Variants in GALM observed in about 807,000 individuals in gnomAD.
GALM encodes aldose 1-epimerase.
Under a neutral mutation model 37.4 loss-of-function variants are expected in GALM, and 43 were observed. That is an observed-to-expected ratio of 1.15 (90% CI 0.90 to 1.48). The LOEUF (loss-of-function observed/expected upper bound fraction) is 1.48. GALM is among the 40% of genes most tolerant of loss of function. The pLI is 0.00. For synonymous variants in GALM, 199 were observed against 170.6 expected (o/e 1.17, Z -1.30); for missense variants, 456 against 419.1 (o/e 1.09, Z -0.77).
chr2:38,686,249 T>TTTCTTTCTTTCTTTCTTTC (rs1665521973), intron 3 of GALM, among the ~76,000 whole-genome samples: 6 of 120,844 alleles, frequency 5.0e-5, no homozygotes, highest in African/African-American at 2.1e-4. Flanking sequence ...TCTTTCTTTC[T>TTTCTTTCTTTCTTTCTTTC]TTCTTTCTTT....
At chr2:38,725,794 C>A (rs984823517) in intron 4 of GALM, among the ~76,000 whole-genome samples, 1 of 152,044 alleles carries the variant, frequency 6.6e-6, no homozygotes, top group Admixed American at 6.6e-5. Context: ...TCACCACAAC[C>A]TCCATCTCCC....
In GALM at chr2:38,731,820, G is replaced by A. The variant is rs775609819; in HGVS notation, c.862G>A (p.Gly288Ser). The change falls in exon 6 of 7, where the codon GGC (glycine) becomes AGC (serine). Residue 288 changes from glycine (G) to serine (S), a missense_variant. Transcript: ENST00000272252. ...GTTTTACACGGGCAACTTCCTGGAT[G>A]GCACATTAAAGGGCAAGAATGGAGC... ...VQFYTGNFLD[G>S]TLKGKNGAVY... 6.2e-7 allele frequency: 1 copy of A among 1,614,018 alleles called. No homozygotes were observed. The highest frequency in any genetic ancestry group is 1.1e-5 in the South Asian group (1 of 91,072).
intron 4 of GALM, among the ~76,000 whole-genome samples, chr2:38,705,658 G>C (rs958478363): frequency 6.6e-6 from 1 of 152,160 alleles, no homozygotes; most frequent in Non-Finnish European, 1.5e-5. Context: ...CAGTTGGGCA[G>C]AGCAAGGGCT....
chr2:38,685,674 C>G (rs568832936), intron 3 of GALM, among the ~76,000 whole-genome samples: 2 of 152,160 alleles, frequency 1.3e-5, no homozygotes, highest in African/African-American at 2.4e-5. Flanking sequence ...GTTTTTCCAG[C>G]CTAGAAGAGT....
chr2:38,723,801 AC>A (rs201730666), intron 4 of GALM, among the ~76,000 whole-genome samples: 1 of 29,866 alleles, frequency 3.3e-5, no homozygotes, highest in African/African-American at 1.2e-4. Flanking sequence ...AAAAAAACAA[AC>A]AAAAAAAAAA....
intron 1 of GALM, among the ~76,000 whole-genome samples, chr2:38,671,758 T>C (rs1299080193): frequency 6.6e-6 from 1 of 152,084 alleles, no homozygotes; most frequent in Non-Finnish European, 1.5e-5. Context: ...TTGAGAAGCC[T>C]AGGTGGGAGG....
intron 4 of GALM, among the ~76,000 whole-genome samples, chr2:38,727,492 G>A (rs1353074485): frequency 6.6e-6 from 1 of 152,048 alleles, no homozygotes; most frequent in Non-Finnish European, 1.5e-5. Context: ...CCTTTGGGAG[G>A]CCAAGGCAGG....
In GALM at chr2:38,689,880, C is replaced by T. The variant is rs754954515; in HGVS notation, c.620C>T (p.Thr207Ile). ...EADTYLPVDE[T>I]LIPTGEVAPV... ...GATACTTATTTGCCTGTGGATGAAA[C>T]CCTGATTCCTACAGGTTGGTGAATT... The change falls in exon 4 of 7, where the codon ACC becomes ATC. Residue 207 changes from threonine to isoleucine, a missense_variant. By Grantham distance (89) the Thr-to-Ile change is moderately conservative. Coordinates refer to ENST00000272252, the MANE Select transcript of GALM (RefSeq NM_138801.3). 2 of 1,604,810 alleles carry T rather than the reference C, an allele frequency of 1.2e-6. No homozygotes were observed. The highest frequency in any genetic ancestry group is 2.2e-5 in the East Asian group (1 of 44,792).
At chr2:38,696,979 G>T (rs1350842650) in intron 4 of GALM, among the ~76,000 whole-genome samples, 2 of 151,598 alleles carry the variant, frequency 1.3e-5, no homozygotes, top group Non-Finnish European at 2.9e-5. Flanking sequence ...TAGTAGAGAG[G>T]GGGTTTCACC....
At chr2:38,672,107 C>T (rs899497593) in intron 1 of GALM, among the ~76,000 whole-genome samples, 2 of 151,466 alleles carry the variant, frequency 1.3e-5, no homozygotes, top group Non-Finnish European at 2.9e-5. Flanking sequence ...ATCTTCATGA[C>T]GTGATTGGTT....
chr2:38,679,706 G>T (rs1034734347), intron 2 of GALM, among the ~76,000 whole-genome samples: 1 of 152,212 alleles, frequency 6.6e-6, no homozygotes, highest in Non-Finnish European at 1.5e-5. Flanking sequence ...TAAGGGAACA[G>T]TCTCAGGATC....
chr2:38,669,985 C>A (rs536228311), intron 1 of GALM, among the ~76,000 whole-genome samples: 1 of 151,674 alleles, frequency 6.6e-6, no homozygotes, highest in East Asian at 2.0e-4. Context: ...GCCTTAACCT[C>A]CCAAGTAGCT....
chr2:38,677,819 T>C (rs1458717059), intron 2 of GALM, among the ~76,000 whole-genome samples: 1 of 151,848 alleles, frequency 6.6e-6, no homozygotes, highest in South Asian at 2.1e-4. Flanking sequence ...TCTTACATGA[T>C]AACTGTTAAA....
intron 4 of GALM, among the ~76,000 whole-genome samples, chr2:38,709,775 T>C (rs1666112243): frequency 6.6e-6 from 1 of 152,200 alleles, no homozygotes; most frequent in South Asian, 2.1e-4. Context: ...GGTGTTACTT[T>C]TAATTATCAT....
chr2:38,698,161 C>T (rs144723970), intron 4 of GALM, among the ~76,000 whole-genome samples: 2,171 of 152,180 alleles, frequency 0.014, 46 homozygotes, highest in African/African-American at 0.048. Context: ...CCAGGCTGGT[C>T]TCAAACTCCT....
chr2:38,726,544 C>T (rs1292896170), intron 4 of GALM, among the ~76,000 whole-genome samples: 1 of 151,730 alleles, frequency 6.6e-6, no homozygotes, highest in Non-Finnish European at 1.5e-5. Context: ...CACATTTAAT[C>T]CCAACACAAT....
chr2:38,732,405 C>G (rs964401022), intron 6 of GALM, among the ~76,000 whole-genome samples: 3 of 152,184 alleles, frequency 2.0e-5, no homozygotes, highest in Non-Finnish European at 4.4e-5. Flanking sequence ...AAACCCATAG[C>G]CAAGCTACTA....
chr2:38,666,346 T>G lies in GALM; in HGVS notation c.185T>G (p.Leu62Trp), dbSNP rs1664932661. 2 of 1,610,880 alleles carry G rather than the reference T, an allele frequency of 1.2e-6. No individual in the cohort carries two copies. The highest frequency in any genetic ancestry group is 1.7e-6 in the Non-Finnish European group (2 of 1,178,182). ...GACGTGGTGCTTGGCTTCGCCGAGT[T>G]GGAAGGTGGGTTGAACTGTGCCCTG... ...ASDVVLGFAE[L>W]EGYLQKQPYF... is the part of the protein sequence containing the mutation. Residue 62 changes from leucine to tryptophan, a missense_variant, in exon 1 of 7, where the codon TTG becomes TGG. Physicochemically the swap from Leu to Trp is moderately conservative, Grantham distance 61. Coordinates refer to ENST00000272252, the MANE Select transcript of GALM (RefSeq NM_138801.3).
At chr2:38,717,306 AGTGTGTGTGTGTGTGTGTGTGTGT>A (rs56902027) in intron 4 of GALM, among the ~76,000 whole-genome samples, 2 of 143,652 alleles carry the variant, frequency 1.4e-5, no homozygotes, top group Non-Finnish European at 3.0e-5. Context: ...GTATTAAGGG[AGTGTGTGTGTGTGTGTGTGTGTGT>A]GTGTGTGTGT....
Sources: gnomAD v4.1 joint callset for allele counts (sites outside exome capture counted in the v4.1 genomes callset) on GRCh38, gnomAD v4.1.1 for gene constraint, MANE v1.5 for transcripts, NCBI Gene and HGNC (gene_info 2026-07-23, HGNC 2026-07-21) for gene names.